Variants in AVIL observed in about 807,000 individuals in gnomAD.
AVIL encodes advillin.
AVIL carries 78 observed loss-of-function variants against 109.9 expected under a neutral mutation model. The ratio of observed to expected loss-of-function variants is 0.71; its 90% CI spans 0.59 to 0.86. The LOEUF (loss-of-function observed/expected upper bound fraction) is 0.86, where lower values mean the gene tolerates loss of function less well. AVIL is among the 40% of genes least tolerant of loss of function. The pLI is 0.00. For missense variants in AVIL, 892 were observed against 1,016.5 expected, an observed-to-expected ratio of 0.88 and a Z score of 1.67; for synonymous variants, 367 against 379.1, an observed-to-expected ratio of 0.97 and a Z score of 0.37.
chr12:57,802,721 T>A, intron 16 of AVIL: 1 of 606,044 alleles, frequency 1.7e-6, no homozygotes, highest in Admixed American at 2.9e-5. Flanking sequence ...ATAGGTGGTA[T>A]CTATCTAGTC....
intron 18 of AVIL, chr12:57,800,416 G>GACCACCGA: frequency 6.5e-6 from 1 of 153,504 alleles, no homozygotes; most frequent in Non-Finnish European, 1.5e-5. Context: ...AAGAACTGCT[G>GACCACCGA]GATTCCTGGC....
At chr12:57,798,160 G>C (rs1355505250) in intron 19 of AVIL, among the ~76,000 whole-genome samples, 165 bp from the exon 20 acceptor site, 1 of 152,204 alleles carries the variant, frequency 6.6e-6, no homozygotes, top group Non-Finnish European at 1.5e-5. Context: ...TCATTGGAGA[G>C]GTGTTCTTCA....
intron 4 of AVIL, 114 bp from the exon 5 acceptor site, chr12:57,811,241 G>A: frequency 1.0e-6 from 1 of 971,326 alleles, no homozygotes; most frequent in Non-Finnish European, 1.6e-6. Flanking sequence ...ACATCAGCAA[G>A]GTAAATACAG....
In AVIL at chr12:57,814,170, G is replaced by T; in HGVS notation, c.123C>A (p.Asp41Glu). Residue 41 changes from aspartate to glutamate, a missense_variant, in exon 3 of 20, where the codon GAC (aspartate) becomes GAA (glutamate). Asp to Glu is a conservative substitution (Grantham distance 45, BLOSUM62 2). Coordinates refer to ENST00000549994, the MANE Select transcript of AVIL (RefSeq NM_006576.4). ...TGCTCACCGAGAGGATGACGTAGCAGTCCCCCTCATAGAAGTTGCCGTGGG... is the reference window on the plus strand; with the variant it reads ...TGCTCACCGAGAGGATGACGTAGCATTCCCCCTCATAGAAGTTGCCGTGGG... ...VSAHGNFYEG[D>E]CYVILSTRRV... 6.2e-7 allele frequency: 1 copy of T among 1,613,370 alleles called. No individual in the cohort carries two copies. The highest frequency in any genetic ancestry group is 8.5e-7 in the Non-Finnish European group (1 of 1,179,824).
intron 2 of AVIL, 25 bp from the exon 3 acceptor site, chr12:57,814,251 G>T: frequency 6.2e-7 from 1 of 1,602,034 alleles, no homozygotes; most frequent in Non-Finnish European, 8.5e-7. Flanking sequence ...GGTGGGTATA[G>T]GCTACATCCC....
intron 9 of AVIL, 128 bp downstream of exon 9, chr12:57,809,469 A>G: frequency 9.3e-7 from 1 of 1,071,152 alleles, no homozygotes; most frequent in Non-Finnish European, 1.4e-6. Flanking sequence ...TGTCTGCCTG[A>G]CTTTGCAGTC....
In AVIL at chr12:57,803,271, C is replaced by T. The variant is rs764262075; in HGVS notation, c.1938G>A (p.Val646=). The change falls in exon 16 of 20, where the codon GTG becomes GTA. Residue 646 remains valine, a synonymous_variant. Coordinates refer to ENST00000549994, the MANE Select transcript of AVIL (RefSeq NM_006576.4). ...CCTGGTCCCAGGTATCTAGGAGCATCACGTCAGTAGGGTTCAGGTCATCCT... is the reference window on the plus strand; with the variant it reads ...CCTGGTCCCAGGTATCTAGGAGCATTACGTCAGTAGGGTTCAGGTCATCCT... ...FTQDDLNPTD[V]MLLDTWDQVF... 2.5e-6 allele frequency: 4 copies of T among 1,614,100 alleles called. No homozygotes were observed. In the South Asian group the frequency reaches 4.4e-5, roughly 18 times the overall value.
chr12:57,805,433 TGTTA>T (rs1230803452), intron 14 of AVIL, among the ~76,000 whole-genome samples: 4 of 152,232 alleles, frequency 2.6e-5, no homozygotes, highest in Admixed American at 1.3e-4. Context: ...AGTGCCTGTC[TGTTA>T]GAGTCCACCA....
At chr12:57,815,910 C>A in intron 2 of AVIL, 65 bp downstream of exon 2, 2 of 1,609,812 alleles carry the variant, frequency 1.2e-6, no homozygotes, top group Non-Finnish European at 8.5e-7. Context: ...GCCTAGCAGC[C>A]CCAGGCAGCC....
chr12:57,815,083 G>A (rs967255401), intron 2 of AVIL, among the ~76,000 whole-genome samples: 10 of 152,152 alleles, frequency 6.6e-5, no homozygotes, highest in African/African-American at 2.2e-4. Context: ...CTCCTGAGTA[G>A]CTGGGACTAT....
chr12:57,811,344 T>C (rs780632424), intron 4 of AVIL, among the ~76,000 whole-genome samples: 2 of 152,082 alleles, frequency 1.3e-5, no homozygotes, highest in Non-Finnish European at 2.9e-5. Flanking sequence ...ACATTTGAAC[T>C]GAGATACTAC....
intron 14 of AVIL, chr12:57,804,348 G>GTAC (rs1169854919): frequency 6.6e-6 from 1 of 152,208 alleles, no homozygotes; most frequent in African/African-American, 2.4e-5. Flanking sequence ...TCATGTGGAT[G>GTAC]TACTACTGTT....
intron 4 of AVIL, among the ~76,000 whole-genome samples, chr12:57,812,487 G>A (rs1235923939): frequency 6.6e-6 from 1 of 152,110 alleles, no homozygotes; most frequent in Non-Finnish European, 1.5e-5. Context: ...TCAGCCTCCC[G>A]AGTAGCTGGG....
chr12:57,814,014 C>CT, intron 3 of AVIL, 138 bp downstream of exon 3: 1 of 861,054 alleles, frequency 1.2e-6, no homozygotes, highest in South Asian at 1.7e-5. Context: ...GACTGGAGGT[C>CT]TGCTCTGCAT....
intron 11 of AVIL, 171 bp from the exon 12 acceptor site, chr12:57,807,898 C>T (rs766357531): frequency 1.3e-5 from 13 of 1,009,046 alleles, no homozygotes; most frequent in Admixed American, 3.9e-5. Flanking sequence ...TGATTTGAAT[C>T]GTGAGATGAA....
intron 18 of AVIL, chr12:57,800,696 T>A (rs775673663): frequency 6.5e-6 from 1 of 154,572 alleles, no homozygotes; most frequent in Non-Finnish European, 1.4e-5. Flanking sequence ...CAACTTCCGC[T>A]TCCTGGGTTC....
intron 18 of AVIL, chr12:57,800,757 G>GCA (rs1308225480): frequency 6.2e-6 from 1 of 161,040 alleles, no homozygotes; most frequent in Non-Finnish European, 1.4e-5. Flanking sequence ...ACAGGCGCAT[G>GCA]CCACCACGGC....
In AVIL at chr12:57,801,169, G is replaced by T. The variant is rs759190171; in HGVS notation, c.2195C>A (p.Ala732Asp). Residue 732 changes from alanine (A) to aspartate (D), a missense_variant, in exon 18 of 20, where the codon GCT becomes GAT. Transcript: ENST00000549994. ...YEQLKEELGD[A>D]AAIMRITADM... ...AGCAGTGATTCGCATGATAGCAGCA[G>T]CATCTCCCAGCTCTTCTTTTAATTG... is the stretch of plus-strand genomic sequence containing the variant. 1.9e-5 allele frequency: 30 copies of T among 1,613,550 alleles called. No homozygotes were observed. Among genetic ancestry groups the T allele is most frequent in the Non-Finnish European group, 2.5e-5 (29 of 1,179,854 alleles).
Position 57,806,638 on chromosome 12 carries a change from T to C in AVIL, c.1492-99A>G, listed in dbSNP as rs2140448812. The C allele has an allele frequency of 5.0e-6, 7 of 1,408,288 alleles. No homozygotes were observed. In the East Asian group the frequency reaches 1.6e-4, roughly 32 times the overall value. The allele number at this position is 1,408,288 out of a possible 1,614,324, so 87.2% of individuals were successfully genotyped here. ...AAACGTGAATGTTATAGTATTATGT[T>C]TGCCCTTGAGGAGCTTCTAGACTCA... On this transcript the variant is annotated intron_variant, in intron 13 of 19. Coordinates refer to ENST00000549994, the MANE Select transcript of AVIL (RefSeq NM_006576.4).
Sources: gnomAD v4.1 joint callset for allele counts (sites outside exome capture counted in the v4.1 genomes callset) on GRCh38, gnomAD v4.1.1 for gene constraint, MANE v1.5 for transcripts, NCBI Gene and HGNC (gene_info 2026-07-23, HGNC 2026-07-21) for gene names.